Variants in ANK2 observed in about 807,000 individuals in gnomAD.
ANK2 encodes ankyrin 2.
In ANK2, 83 loss-of-function variants were observed where a neutral mutation model predicts 360.5. That is an observed-to-expected ratio of 0.23 (90% CI 0.19 to 0.28). The LOEUF (loss-of-function observed/expected upper bound fraction) is 0.28, where lower values mean the gene tolerates loss of function less well. Among genes scored for constraint, ANK2 ranks in the 10% least tolerant of loss-of-function variants. ANK2 has a pLI of 1.00. For synonymous variants in ANK2, 1,740 were observed against 1,759.5 expected (o/e 0.99, Z 0.28); for missense variants, 4,201 against 4,795.7 (o/e 0.88, Z 3.66).
In ANK2 at chr4:113,059,260, G is replaced by T. The variant is rs376681156; in HGVS notation, c.84+9448G>T. 8.5e-5 allele frequency among the ~76,000 whole-genome samples: 13 copies of T among 152,246 alleles called. No homozygotes were observed. In the East Asian group the frequency reaches 2.3e-3, roughly 27 times the overall value. On this transcript the variant is annotated intron_variant, in intron 1 of 45. Transcript: ENST00000357077. ...TTCAGTTAAACTTGTATTAGATTGT[G>T]TATAGCCTGGCATGCTTAAATAGTA...
the ANK2 span, among the ~76,000 whole-genome samples, chr4:112,789,396 C>T: frequency 6.6e-5 from 10 of 152,024 alleles, no homozygotes; most frequent in African/African-American, 1.7e-4. Flanking sequence ...AATTCTTAGA[C>T]GAAGAGGGCA....
chr4:112,976,955 G>C (rs974632636), intron 2 of ANK2, among the ~76,000 whole-genome samples: 2 of 152,212 alleles, frequency 1.3e-5, no homozygotes, highest in Admixed American at 6.5e-5. Context: ...GCTGGGGTTT[G>C]TCAGTTGTAA....
chr4:113,051,749 G>A (rs1339352878), intron 1 of ANK2, among the ~76,000 whole-genome samples: 1 of 152,058 alleles, frequency 6.6e-6, no homozygotes, highest in African/African-American at 2.4e-5. Flanking sequence ...TGTGTTTGGA[G>A]CACATCATTT....
intron 23 of ANK2, among the ~76,000 whole-genome samples, chr4:113,310,789 T>C (rs1041660491): frequency 3.3e-5 from 5 of 152,224 alleles, no homozygotes; most frequent in Admixed American, 2.6e-4. Context: ...ACTGTGCTTG[T>C]ATTATGTGAC....
chr4:112,864,913 C>T (rs190457141), intron 1 of ANK2, among the ~76,000 whole-genome samples: 2,419 of 150,850 alleles, frequency 0.016, 61 homozygotes, highest in African/African-American at 0.053. Flanking sequence ...GCGCCTGTAG[C>T]TCCAGCTACT....
chr4:113,199,431 A>G (rs547220137), intron 4 of ANK2, among the ~76,000 whole-genome samples: 1 of 152,188 alleles, frequency 6.6e-6, no homozygotes, highest in Admixed American at 6.5e-5. Flanking sequence ...GTTTCGTGTT[A>G]CTCTATAAAA....
intron 42 of ANK2, among the ~76,000 whole-genome samples, chr4:113,369,247 G>T (rs908701623): frequency 6.6e-6 from 1 of 152,154 alleles, no homozygotes; most frequent in African/African-American, 2.4e-5. Context: ...CATTGTAGAG[G>T]TTGGGTAACT....
chr4:113,003,903 C>T (rs2051754761), intron 2 of ANK2, among the ~76,000 whole-genome samples: 2 of 152,166 alleles, frequency 1.3e-5, no homozygotes, highest in Non-Finnish European at 2.9e-5. Flanking sequence ...CAGCATGTTG[C>T]TGTACTGAAT....
At chr4:113,120,893 A>C (rs1050710514) in intron 1 of ANK2, among the ~76,000 whole-genome samples, 2 of 152,168 alleles carry the variant, frequency 1.3e-5, no homozygotes, top group Admixed American at 1.3e-4. Flanking sequence ...TAAATTCAGG[A>C]TCACCATAAA....
chr4:112,816,603 G>T (rs1055794524), upstream of ANK2, among the ~76,000 whole-genome samples: 1 of 151,870 alleles, frequency 6.6e-6, no homozygotes, highest in Non-Finnish European at 1.5e-5. Flanking sequence ...TAAATATAAG[G>T]GACAAAGACA....
intron 1 of ANK2, among the ~76,000 whole-genome samples, chr4:113,157,842 A>C (rs1370923082): frequency 6.6e-6 from 1 of 152,234 alleles, no homozygotes; most frequent in Admixed American, 6.5e-5. Context: ...TTCTTACCCC[A>C]AAGTATACAG....
chr4:112,990,205 G>A (rs2046286011), intron 2 of ANK2, among the ~76,000 whole-genome samples: 1 of 152,102 alleles, frequency 6.6e-6, no homozygotes. Context: ...AGACTTTGAG[G>A]CTCTAGTGAG....
rs1388891299 is a variant in ANK2, at chr4:113,356,775, T to A, written c.8157T>A (p.Thr2719=). Residue 2719 remains threonine (T), a synonymous_variant, in exon 38 of 46, where the codon ACT becomes ACA. Coordinates refer to ENST00000357077, the MANE Select transcript of ANK2 (RefSeq NM_001148.6). ...AGCCTGTCGTTTCCAAACAATATAC[T>A]TTCAAGATGAATGAAGATACTCAGG... The part of the protein sequence containing the change: ...QFQPVVSKQY[T]FKMNEDTQEE... The A allele has an allele frequency of 1.2e-6, 2 of 1,614,114 alleles. No homozygotes were observed. The highest frequency in any genetic ancestry group is 3.3e-5 in the Admixed American group (2 of 60,020).
intron 1 of ANK2, among the ~76,000 whole-genome samples, chr4:113,159,171 C>G (rs1445236079): frequency 7.2e-6 from 1 of 138,924 alleles, no homozygotes; most frequent in Non-Finnish European, 1.5e-5. Flanking sequence ...GACTTCCTCT[C>G]TCTCTCTTTC....
the ANK2 span, among the ~76,000 whole-genome samples, chr4:112,810,156 T>TAG: frequency 9.1e-5 from 2 of 21,862 alleles, no homozygotes; most frequent in South Asian, 2.1e-3. Flanking sequence ...TATATATATA[T>TAG]ATATTTTTTT....
At chr4:113,131,897 TAA>T (rs1307792623) in intron 1 of ANK2, among the ~76,000 whole-genome samples, 1 of 152,236 alleles carries the variant, frequency 6.6e-6, no homozygotes, top group Admixed American at 6.5e-5. Context: ...GGGCAAGATA[TAA>T]GAGTGAAATG....
chr4:112,892,341 C>T (rs113199491), intron 1 of ANK2, among the ~76,000 whole-genome samples: 4,186 of 152,172 alleles, frequency 0.028, 185 homozygotes, highest in African/African-American at 0.092. Context: ...TGGGTAAGTC[C>T]CCTGGGCAAG....
At chr4:113,268,233 AC>A (rs1217575508) in intron 14 of ANK2, among the ~76,000 whole-genome samples, 2 of 152,122 alleles carry the variant, frequency 1.3e-5, no homozygotes, top group East Asian at 1.9e-4. Context: ...CTATTTGAAT[AC>A]CCTTTATTTC....
the ANK2 span, among the ~76,000 whole-genome samples, chr4:112,786,920 T>A: frequency 3.9e-5 from 6 of 151,914 alleles, no homozygotes; most frequent in African/African-American, 1.5e-4. Flanking sequence ...GGCTAATTTT[T>A]GTATATTTAG....
Sources: allele counts gnomAD v4.1 joint callset (sites outside exome capture counted in the v4.1 genomes callset), GRCh38; gene constraint gnomAD v4.1.1; transcripts MANE v1.5; gene names NCBI Gene and HGNC (gene_info 2026-07-23, HGNC 2026-07-21).